Variants in KIAA0825 observed in about 807,000 individuals in gnomAD.
KIAA0825 encodes the protein KIAA0825, also known as uncharacterized protein KIAA0825.
Under a neutral mutation model 147.6 loss-of-function variants are expected in KIAA0825, and 119 were observed. The ratio of observed to expected loss-of-function variants is 0.81; its 90% CI spans 0.69 to 0.94. The LOEUF is 0.94. KIAA0825 is among the 40% of genes least tolerant of loss of function. The probability of loss-of-function intolerance (pLI) is 0.00; values close to 1 mark genes in which losing one functional copy is unlikely to be tolerated. For missense variants in KIAA0825, 1,381 were observed against 1,472.7 expected, an observed-to-expected ratio of 0.94 and a Z score of 1.02; for synonymous variants, 470 against 518.1, an observed-to-expected ratio of 0.91 and a Z score of 1.26.
intron 5 of KIAA0825, among the ~76,000 whole-genome samples, chr5:94,493,100 G>C (rs1379079561): frequency 6.6e-6 from 1 of 152,144 alleles, no homozygotes; most frequent in Non-Finnish European, 1.5e-5. Context: ...ATCTGGCTGA[G>C]GCCCTCTGCC....
intron 1 of KIAA0825, among the ~76,000 whole-genome samples, chr5:94,591,222 G>A (rs1319948403): frequency 6.6e-6 from 1 of 152,198 alleles, no homozygotes; most frequent in African/African-American, 2.4e-5. Flanking sequence ...TGTATGCAAA[G>A]AGGACTGTAA....
chr5:94,498,522 C>T (rs1303116126), intron 5 of KIAA0825, among the ~76,000 whole-genome samples: 1 of 152,222 alleles, frequency 6.6e-6, no homozygotes, highest in African/African-American at 2.4e-5. Flanking sequence ...GGTGCCCATT[C>T]TTCCAGAGGT....
rs558976084 is a variant in KIAA0825, at chr5:94,295,391, GTTA to G, written c.3710+88974_3710+88976del. 7.2e-5 allele frequency among the ~76,000 whole-genome samples: 11 copies of G among 152,088 alleles called. No homozygotes were observed. The South Asian group carries it at 2.3e-3, about 32-fold the overall frequency. Reference sequence around the variant, plus strand: ...AAGCTCCTTTAGCTCAGAGGAGTTTGTTATTATCCACCTTCTGAAGCCTTCTTC... The same window carrying G: ...AAGCTCCTTTAGCTCAGAGGAGTTTGTTATCCACCTTCTGAAGCCTTCTTC... On this transcript the variant is annotated intron_variant, in intron 20 of 20. Transcript: ENST00000682413.
At chr5:94,227,970 A>T (rs1180810580) in intron 20 of KIAA0825, among the ~76,000 whole-genome samples, 3 of 152,152 alleles carry the variant, frequency 2.0e-5, no homozygotes, top group Non-Finnish European at 4.4e-5. Flanking sequence ...ATAATAATAA[A>T]AAAAAATTTT....
chr5:94,576,318 T>C (rs1781031172), intron 2 of KIAA0825, among the ~76,000 whole-genome samples: 1 of 152,192 alleles, frequency 6.6e-6, no homozygotes. Flanking sequence ...TAATCCTCAA[T>C]GTGGCAGTAT....
chr5:94,391,594 G>A lies in KIAA0825; in HGVS notation c.3397C>T (p.His1133Tyr). The A allele has an allele frequency of 6.4e-7, 1 of 1,551,594 alleles. No individual in the cohort carries two copies. The highest frequency in any genetic ancestry group is 8.7e-7 in the Non-Finnish European group (1 of 1,146,938). The change falls in exon 18 of 21, where the codon CAC becomes TAC. Residue 1133 changes from histidine to tyrosine, a missense_variant. By Grantham distance (83) the His-to-Tyr change is moderately conservative (BLOSUM62 2). Coordinates refer to ENST00000682413, the MANE Select transcript of KIAA0825 (RefSeq NM_001145678.3). ...AGGTACTCCCTGCCACCTGGTTTGTGGCAGAGATCCAGGACCATCGTGTTT... is the reference window on the plus strand; with the variant it reads ...AGGTACTCCCTGCCACCTGGTTTGTAGCAGAGATCCAGGACCATCGTGTTT... ...KINTMVLDLC[H>Y]KPGGREYLRQ...
intron 3 of KIAA0825, among the ~76,000 whole-genome samples, chr5:94,527,749 G>T (rs1033170817): frequency 6.6e-6 from 1 of 151,856 alleles, no homozygotes; most frequent in South Asian, 2.1e-4. Context: ...TTTTGTGTTC[G>T]AAAGGACAAA....
At chr5:94,560,516 T>A (rs1159110804) in intron 2 of KIAA0825, among the ~76,000 whole-genome samples, 1 of 152,172 alleles carries the variant, frequency 6.6e-6, no homozygotes. Context: ...ACATATCTAA[T>A]GAGTTGTAAA....
At chr5:94,177,410 A>C (rs1032491082) in intron 20 of KIAA0825, among the ~76,000 whole-genome samples, 3 of 151,984 alleles carry the variant, frequency 2.0e-5, no homozygotes, top group Non-Finnish European at 4.4e-5. Context: ...AATAACTATA[A>C]TTTGTAGTCC....
intron 1 of KIAA0825, among the ~76,000 whole-genome samples, chr5:94,609,873 C>T (rs1394216236): frequency 6.6e-6 from 1 of 152,044 alleles, no homozygotes; most frequent in Non-Finnish European, 1.5e-5. Context: ...CATTTACAAC[C>T]AGCCCCACTC....
intron 1 of KIAA0825, among the ~76,000 whole-genome samples, chr5:94,591,576 T>C (rs549661558): frequency 6.6e-6 from 1 of 152,348 alleles, no homozygotes; most frequent in South Asian, 2.1e-4. Context: ...AGTATACCAG[T>C]AAAATCAGTG....
chr5:94,588,011 A>T (rs1414177650), intron 1 of KIAA0825, among the ~76,000 whole-genome samples: 1 of 152,188 alleles, frequency 6.6e-6, no homozygotes, highest in Non-Finnish European at 1.5e-5. Flanking sequence ...CTGACACTGG[A>T]TCCCTTCCTT....
Position 94,424,797 on chromosome 5 carries a change from AAAG to A in KIAA0825, c.2498-7435_2498-7433del, listed in dbSNP as rs1440850884. 2.6e-5 allele frequency among the ~76,000 whole-genome samples: 4 copies of A among 152,184 alleles called. No homozygotes were observed. The East Asian group carries it at 7.7e-4, about 29-fold the overall frequency. On this transcript the variant is annotated intron_variant, in intron 14 of 20. Coordinates refer to ENST00000682413, the MANE Select transcript of KIAA0825 (RefSeq NM_001145678.3). ...CCAAATGAACAAAATCAGAAACGAA[AAAG>A]AAGACATTACAACTGAGACCACAGA...
At chr5:94,195,650 G>C (rs1771067136) in intron 20 of KIAA0825, among the ~76,000 whole-genome samples, 1 of 151,090 alleles carries the variant, frequency 6.6e-6, no homozygotes, top group East Asian at 1.9e-4. Context: ...AGTGACAAGA[G>C]CTCTTTTTTT....
intron 5 of KIAA0825, among the ~76,000 whole-genome samples, chr5:94,516,801 A>G (rs563599268): frequency 4.4e-4 from 65 of 147,580 alleles, no homozygotes; most frequent in East Asian, 1.2e-3. Flanking sequence ...AAAAAAAAAA[A>G]AAAAGAAAAG....
At chr5:94,227,870 G>GT (rs1774345690) in intron 20 of KIAA0825, among the ~76,000 whole-genome samples, 1 of 151,410 alleles carries the variant, frequency 6.6e-6, no homozygotes, top group Non-Finnish European at 1.5e-5. Context: ...AATGCCTACT[G>GT]TAAGTGATGG....
chr5:94,242,712 G>T (rs903195596), intron 20 of KIAA0825, among the ~76,000 whole-genome samples: 2 of 151,762 alleles, frequency 1.3e-5, no homozygotes, highest in African/African-American at 4.8e-5. Flanking sequence ...TGCAACCTCT[G>T]CCTCCAGGGT....
intron 10 of KIAA0825, among the ~76,000 whole-genome samples, chr5:94,468,360 C>G (rs1454219438): frequency 6.6e-6 from 1 of 152,212 alleles, no homozygotes; most frequent in Non-Finnish European, 1.5e-5. Context: ...CACTGACATA[C>G]TGAAATAGTT....
At chr5:94,589,672 AAC>A (rs1208664549) in intron 1 of KIAA0825, among the ~76,000 whole-genome samples, 2 of 152,064 alleles carry the variant, frequency 1.3e-5, no homozygotes, top group African/African-American at 4.8e-5. Context: ...TCCTTGCAAA[AAC>A]TTTTCCCTTT....
Sources: allele counts gnomAD v4.1 joint callset (sites outside exome capture counted in the v4.1 genomes callset), GRCh38; gene constraint gnomAD v4.1.1; transcripts MANE v1.5; gene names NCBI Gene and HGNC (gene_info 2026-07-23, HGNC 2026-07-21).